The following ALDH3B2 variants were observed in gnomAD, a reference collection of about 807,000 sequenced individuals.
The protein encoded by ALDH3B2 is aldehyde dehydrogenase family 3 member B2.
ALDH3B2 carries 45 observed loss-of-function variants against 36.7 expected under a neutral mutation model. The ratio of observed to expected loss-of-function variants is 1.23; its 90% CI spans 0.97 to 1.57. ALDH3B2 has a LOEUF of 1.57. Among genes scored for constraint, ALDH3B2 ranks in the 40% most tolerant of loss-of-function variants. The pLI is 0.00. For synonymous variants in ALDH3B2, 217 were observed against 226.5 expected (o/e 0.96, Z 0.38); for missense variants, 464 against 513.3 (o/e 0.90, Z 0.93).
At chr11:67,671,018 A>C (rs1856095747) in intron 1 of ALDH3B2, 1 of 152,526 alleles carries the variant, frequency 6.6e-6, no homozygotes, top group African/African-American at 2.4e-5. Context: ...AGCAGCCTCC[A>C]CCCGGCGCTC....
At chr11:67,678,155 C>T (rs117583338), upstream of ALDH3B2, among the ~76,000 whole-genome samples, 4,108 of 152,198 alleles carry the variant, frequency 0.027, 82 homozygotes, top group Non-Finnish European at 0.044. Flanking sequence ...GCCCGCACAG[C>T]AAAAGCAAGA....
exon 4 of ALDH3B2, chr11:67,666,657 G>A (rs760583105): frequency 1.2e-6 from 2 of 1,614,166 alleles, no homozygotes; most frequent in South Asian, 2.2e-5. Flanking sequence ...CAGGCCAAAG[G>A]GTTCCTTCCA....
At chr11:67,679,292 A>C (rs1856325798), upstream of ALDH3B2, among the ~76,000 whole-genome samples, 1 of 151,546 alleles carries the variant, frequency 6.6e-6, no homozygotes, top group East Asian at 1.9e-4. Flanking sequence ...ACATGATGAA[A>C]CCCCGTCTCT....
At chr11:67,674,298 A>G (rs1856213389) in intron 1 of ALDH3B2, 138 bp downstream of exon 1, 1 of 152,570 alleles carries the variant, frequency 6.6e-6, no homozygotes, top group Non-Finnish European at 1.5e-5. Context: ...CCCTGCAGCC[A>G]TAGGCCCCTT....
chr11:67,673,757 G>A (rs1043661553), intron 1 of ALDH3B2: 2 of 152,152 alleles, frequency 1.3e-5, no homozygotes, highest in Non-Finnish European at 2.9e-5. Context: ...CAGGGAAACC[G>A]AGGCTCCCAG....
upstream of ALDH3B2, among the ~76,000 whole-genome samples, chr11:67,677,189 A>T (rs1856288235): frequency 6.6e-6 from 1 of 152,226 alleles, no homozygotes; most frequent in East Asian, 1.9e-4. Flanking sequence ...ATGAACATAG[A>T]TGCTAAAATC....
At chr11:67,666,019 G>A (rs750684223) in intron 6 of ALDH3B2, 103 bp downstream of exon 6, 25 of 1,410,454 alleles carry the variant, frequency 1.8e-5, no homozygotes, top group South Asian at 7.5e-5. Context: ...AGCTCCCCAC[G>A]TGCCCCCACT....
At chr11:67,676,691 T>G (rs897413244), upstream of ALDH3B2, among the ~76,000 whole-genome samples, 4 of 151,884 alleles carry the variant, frequency 2.6e-5, no homozygotes, top group Admixed American at 1.3e-4. Flanking sequence ...TAAATAAAAT[T>G]GATAGATCAT....
At chr11:67,681,104 G>C (rs1299076828) in intron 1 of ALDH3B2, 1 of 152,336 alleles carries the variant, frequency 6.6e-6, no homozygotes, top group East Asian at 1.9e-4. Context: ...CCTGAGACTG[G>C]GTAATTTATA....
chr11:67,671,201 C>T (rs530275900), intron 1 of ALDH3B2: 1 of 152,438 alleles, frequency 6.6e-6, no homozygotes. Context: ...TCAGCGTGGT[C>T]ACAGCTTTCC....
At chr11:67,669,699 T>TCCAC in intron 1 of ALDH3B2, among the ~76,000 whole-genome samples, 1 of 147,808 alleles carries the variant, frequency 6.8e-6, no homozygotes, top group Admixed American at 6.7e-5. Flanking sequence ...TGTCTGTGTG[T>TCCAC]GTATGGGTGT....
At chr11:67,664,200 T>C in intron 8 of ALDH3B2, 196 bp downstream of exon 8, 2 of 806,292 alleles carry the variant, frequency 2.5e-6, no homozygotes, top group Non-Finnish European at 1.9e-6. Flanking sequence ...ACCCGCTAAG[T>C]GTCTGGTGGG....
At chr11:67,676,547 G>A (rs1234432238), upstream of ALDH3B2, among the ~76,000 whole-genome samples, 1 of 151,900 alleles carries the variant, frequency 6.6e-6, no homozygotes, top group East Asian at 1.9e-4. Context: ...TCAAGGAACA[G>A]AGGAACGAGA....
upstream of ALDH3B2, among the ~76,000 whole-genome samples, chr11:67,676,428 C>G (rs1049899413): frequency 1.3e-5 from 2 of 151,826 alleles, no homozygotes; most frequent in African/African-American, 4.8e-5. Flanking sequence ...GTGACACAAC[C>G]TATCAAAACC....
chr11:67,666,345 C>T (rs2134135017), exon 5 of ALDH3B2: 2 of 1,606,036 alleles, frequency 1.2e-6, no homozygotes, highest in Non-Finnish European at 1.7e-6. Context: ...AGCACCTCAG[C>T]CAGGACCTTC....
chr11:67,673,897 C>T (rs1346251166), intron 1 of ALDH3B2: 1 of 152,238 alleles, frequency 6.6e-6, no homozygotes, highest in Admixed American at 6.5e-5. Flanking sequence ...TTCTCAACAT[C>T]TTCCTGCAGC....
exon 7 of ALDH3B2, chr11:67,665,596 C>A (rs767597833): frequency 1.2e-6 from 2 of 1,613,832 alleles, no homozygotes; most frequent in Admixed American, 3.3e-5. Flanking sequence ...GGGGTTCTTG[C>A]CCCCCAGCTC....
chr11:67,679,828 A>G (rs192093710), intron 1 of ALDH3B2, among the ~76,000 whole-genome samples: 2 of 152,346 alleles, frequency 1.3e-5, no homozygotes, highest in African/African-American at 2.4e-5. Flanking sequence ...CAGGCCAAGT[A>G]TAATAAGCCT....
At position 67,669,792 on chromosome 11, in the gene ALDH3B2, G is replaced by T. The variant is rs549474858; in HGVS notation, c.-244-2157C>A. ...TGTGTATGGGTGTCTGTGTGTGTAT[G>T]GGTGTGTGTGTCCACGTGTGTCTGT... On this transcript the variant is annotated intron_variant, in intron 1 of 9. Transcript: ENST00000349015. 9.3e-4 allele frequency among the ~76,000 whole-genome samples: 123 copies of T among 132,136 alleles called. 3 individuals carry two copies. The East Asian group carries it at 0.028, about 30-fold the overall frequency. The allele number at this position is 132,136 out of a possible 152,430, so 86.7% of individuals were successfully genotyped here.
Sources: gnomAD v4.1 joint callset for allele counts (sites outside exome capture counted in the v4.1 genomes callset) on GRCh38, gnomAD v4.1.1 for gene constraint, MANE v1.5 for transcripts, NCBI Gene and HGNC (gene_info 2026-07-23, HGNC 2026-07-21) for gene names.